The following IMMP2L variants were observed in gnomAD, a reference collection of about 807,000 sequenced individuals.
IMMP2L encodes the protein mitochondrial inner membrane protease subunit 2.
IMMP2L carries 18 observed loss-of-function variants against 19.3 expected under a neutral mutation model. That is an observed-to-expected ratio of 0.93 (90% CI 0.64 to 1.38). The LOEUF is 1.38. Among genes scored for constraint, IMMP2L ranks in the 40% most tolerant of loss-of-function variants. The probability of loss-of-function intolerance (pLI) is 0.00; values close to 1 mark genes in which losing one functional copy is unlikely to be tolerated. For synonymous variants in IMMP2L, 76 were observed against 73.0 expected (o/e 1.04, Z -0.21); for missense variants, 233 against 218.2 (o/e 1.07, Z -0.43).
At chr7:111,065,706 A>G (rs1410642013) in intron 3 of IMMP2L, among the ~76,000 whole-genome samples, 1 of 152,188 alleles carries the variant, frequency 6.6e-6, no homozygotes, top group Non-Finnish European at 1.5e-5. Context: ...GTTCTCGAAC[A>G]TCGGACTCCA....
chr7:110,886,664 C>T lies in IMMP2L; in HGVS notation c.337G>A (p.Val113Ile), dbSNP rs1361258623. The T allele has an allele frequency of 1.0e-5, 16 of 1,603,546 alleles. No homozygotes were observed. The highest frequency in any genetic ancestry group is 1.3e-5 in the African/African-American group (1 of 74,604). Reference sequence around the variant, plus strand: ...TCAACCCAGATGTGACCACGGGGGACTTTGACATACCGGTTTTTGTGTCCT... The same window carrying T: ...TCAACCCAGATGTGACCACGGGGGATTTTGACATACCGGTTTTTGTGTCCT... ...TIGHKNRYVK[V>I]PRGHIWVEGD... is the part of the protein sequence containing the mutation. The change falls in exon 5 of 6, where the codon GTC becomes ATC. Residue 113 changes from valine (V) to isoleucine (I), a missense_variant. Transcript: ENST00000405709.
chr7:111,387,450 A>G (rs1185188270), intron 3 of IMMP2L, among the ~76,000 whole-genome samples: 2 of 152,206 alleles, frequency 1.3e-5, no homozygotes, highest in Non-Finnish European at 2.9e-5. Context: ...ACCAATAAAC[A>G]AGGTTCAACA....
At chr7:110,911,119 A>G (rs1431127400) in intron 4 of IMMP2L, among the ~76,000 whole-genome samples, 2 of 152,164 alleles carry the variant, frequency 1.3e-5, no homozygotes, top group Non-Finnish European at 2.9e-5. Flanking sequence ...TACTTTTTAA[A>G]CAAATGATAA....
intron 5 of IMMP2L, among the ~76,000 whole-genome samples, chr7:110,869,707 G>C (rs1477939952): frequency 1.3e-5 from 2 of 152,058 alleles, no homozygotes; most frequent in Non-Finnish European, 2.9e-5. Flanking sequence ...TTTTTTACAA[G>C]CTCCTAAGGT....
intron 2 of IMMP2L, among the ~76,000 whole-genome samples, chr7:111,494,333 AC>A (rs1310939407): frequency 2.6e-5 from 4 of 152,156 alleles, no homozygotes; most frequent in Non-Finnish European, 1.5e-5. Context: ...AAAAAGCCAA[AC>A]ATCTGCTCTG....
intron 1 of IMMP2L, among the ~76,000 whole-genome samples, chr7:111,540,837 T>C (rs941772521): frequency 1.3e-5 from 2 of 152,152 alleles, no homozygotes; most frequent in African/African-American, 2.4e-5. Flanking sequence ...TAGTTTCATA[T>C]GGTTGTGTCA....
chr7:110,852,008 C>T (rs1319510947), intron 5 of IMMP2L, among the ~76,000 whole-genome samples: 1 of 152,076 alleles, frequency 6.6e-6, no homozygotes, highest in East Asian at 1.9e-4. Context: ...CACTGCATGA[C>T]TGCTGAGGCT....
intron 3 of IMMP2L, among the ~76,000 whole-genome samples, chr7:111,428,626 C>T (rs538099625): frequency 1.8e-4 from 27 of 149,404 alleles, no homozygotes; most frequent in African/African-American, 5.7e-4. Context: ...AAATCTAACT[C>T]TGCTTTACTG....
intron 3 of IMMP2L, among the ~76,000 whole-genome samples, chr7:110,995,694 T>A (rs940562548): frequency 6.6e-6 from 1 of 152,050 alleles, no homozygotes; most frequent in Admixed American, 6.6e-5. Context: ...GGCAGCATCA[T>A]AAGTAGCCAT....
At chr7:110,737,617 C>G (rs1796724503) in intron 5 of IMMP2L, among the ~76,000 whole-genome samples, 1 of 152,126 alleles carries the variant, frequency 6.6e-6, no homozygotes, top group Non-Finnish European at 1.5e-5. Flanking sequence ...GGTCATAATC[C>G]CTTGGGAACT....
chr7:111,437,088 T>A (rs1397793314), intron 3 of IMMP2L, among the ~76,000 whole-genome samples: 6 of 151,682 alleles, frequency 4.0e-5, no homozygotes, highest in Non-Finnish European at 8.8e-5. Flanking sequence ...CAGACAAACA[T>A]CCAAACTGTA....
rs180783725 is a variant in IMMP2L, at chr7:111,485,028, T to C, written c.239+2210A>G. On this transcript the variant is annotated intron_variant, in intron 3 of 5. Coordinates refer to ENST00000405709, the MANE Select transcript of IMMP2L (RefSeq NM_032549.4). ...GTCTCAAACTCCTGGGCTTAAGGGA[T>C]CCACACACCTTGCCCTCCCAAAGTG... Among the ~76,000 whole-genome samples the C allele has an allele frequency of 3.6e-3, 551 of 152,082 alleles. 3 individuals are homozygous for C. Among genetic ancestry groups the C allele is most frequent in the African/African-American group, 0.013 (523 of 41,504 alleles).
intron 3 of IMMP2L, among the ~76,000 whole-genome samples, chr7:111,055,699 T>G (rs1179346714): frequency 6.6e-6 from 1 of 152,140 alleles, no homozygotes; most frequent in Non-Finnish European, 1.5e-5. Flanking sequence ...GACAACTGAC[T>G]GAAAAATAAT....
At chr7:111,514,916 AAGTGATATAAGT>A (rs1344451659) in intron 2 of IMMP2L, among the ~76,000 whole-genome samples, 5 of 152,102 alleles carry the variant, frequency 3.3e-5, no homozygotes, top group African/African-American at 1.2e-4. Flanking sequence ...ATCAAAGCAC[AAGTGATATAAGT>A]AGTGCTTTGC....
intron 4 of IMMP2L, among the ~76,000 whole-genome samples, chr7:110,931,501 C>G (rs1233346631): frequency 5.9e-5 from 9 of 152,118 alleles, no homozygotes; most frequent in Admixed American, 2.0e-4. Flanking sequence ...ACCTCTGATT[C>G]CTCTGTTTAC....
chr7:110,851,878 G>A (rs969620142), intron 5 of IMMP2L, among the ~76,000 whole-genome samples: 2 of 152,038 alleles, frequency 1.3e-5, no homozygotes, highest in Admixed American at 1.3e-4. Context: ...AATATTTCTG[G>A]TTTCACATTT....
intron 3 of IMMP2L, among the ~76,000 whole-genome samples, chr7:111,201,344 A>C (rs1810090470): frequency 6.6e-6 from 1 of 152,034 alleles, no homozygotes; most frequent in Non-Finnish European, 1.5e-5. Context: ...GAGAATTATA[A>C]TATAACTGCT....
Position 110,831,831 on chromosome 7 carries a change from T to C in IMMP2L, c.408+54762A>G, listed in dbSNP as rs549673658. Among the ~76,000 whole-genome samples, 7 of 152,294 alleles carry C rather than the reference T, an allele frequency of 4.6e-5. No homozygotes were observed. The East Asian group carries it at 5.8e-4, about 13-fold the overall frequency. ...GAGGTACCCAGGTATTCTTTCCAGG[T>C]GAAGTCTAAAGTGTTTAGTGCTTTA... On this transcript the variant is annotated intron_variant, in intron 5 of 5. Transcript: ENST00000405709.
chr7:111,015,795 T>C (rs993371416), intron 3 of IMMP2L, among the ~76,000 whole-genome samples: 1 of 152,124 alleles, frequency 6.6e-6, no homozygotes, highest in African/African-American at 2.4e-5. Flanking sequence ...TTAAGACCAC[T>C]GAATTGAATG....
Sources: gnomAD v4.1 joint callset for allele counts (sites outside exome capture counted in the v4.1 genomes callset) on GRCh38, gnomAD v4.1.1 for gene constraint, MANE v1.5 for transcripts, NCBI Gene and HGNC (gene_info 2026-07-23, HGNC 2026-07-21) for gene names.